The following RGS5 variants were observed in gnomAD, a reference collection of about 807,000 sequenced individuals.
The protein encoded by RGS5 is regulator of G-protein signalling 5.
RGS5 carries 20 observed loss-of-function variants against 18.9 expected under a neutral mutation model. The observed-to-expected ratio is 1.06, with a 90% CI of 0.74 to 1.54. The LOEUF is 1.54. RGS5 is among the 40% of genes most tolerant of loss of function. RGS5 has a pLI of 0.00. For synonymous variants in RGS5, 57 were observed against 76.2 expected, an observed-to-expected ratio of 0.75 and a Z score of 1.31; for missense variants, 201 against 211.8, an observed-to-expected ratio of 0.95 and a Z score of 0.32.
At chr1:163,237,942 T>G (rs1300792311) in intron 2 of RGS5, 4 of 154,244 alleles carry the variant, frequency 2.6e-5, no homozygotes, top group African/African-American at 9.6e-5. Context: ...TATGCTGAAG[T>G]CGAATTCACA....
intron 2 of RGS5, among the ~76,000 whole-genome samples, chr1:163,239,543 AAAG>A (rs2101690092): frequency 1.3e-5 from 2 of 152,166 alleles, no homozygotes; most frequent in South Asian, 4.1e-4. Context: ...TAAATGGCAT[AAAG>A]AAGACCTAAA....
intron 4 of RGS5, among the ~76,000 whole-genome samples, chr1:163,149,776 C>T (rs917008960): frequency 6.6e-6 from 1 of 152,144 alleles, no homozygotes; most frequent in Non-Finnish European, 1.5e-5. Flanking sequence ...ATTCAGATTA[C>T]TATTTGCCTG....
chr1:163,151,248 A>G (rs1483520949), intron 4 of RGS5, among the ~76,000 whole-genome samples: 1 of 152,192 alleles, frequency 6.6e-6, no homozygotes, highest in Non-Finnish European at 1.5e-5. Flanking sequence ...TTTTCTTGTA[A>G]TATTTTGATT....
Position 163,286,331 on chromosome 1 carries a change from T to C in RGS5, c.-281+19902A>G, listed in dbSNP as rs938123542. On this transcript the variant is annotated intron_variant, in intron 2 of 5. Transcript: ENST00000618415. ...AGTAGATTTTAGTATCCTCGGGGAGTAGGGAGTAGGGAGAGTCCTGGAACC... is the reference window on the plus strand; with the variant it reads ...AGTAGATTTTAGTATCCTCGGGGAGCAGGGAGTAGGGAGAGTCCTGGAACC... Among the ~76,000 whole-genome samples, 7 of 151,884 alleles carry C rather than the reference T, an allele frequency of 4.6e-5. No homozygotes were observed. The East Asian group carries it at 1.2e-3, about 25-fold the overall frequency.
chr1:163,288,607 G>C (rs992513806), intron 2 of RGS5, among the ~76,000 whole-genome samples: 2 of 152,030 alleles, frequency 1.3e-5, no homozygotes, highest in African/African-American at 2.4e-5. Flanking sequence ...GTATGTGTTT[G>C]TGTATGTTTT....
intron 2 of RGS5, among the ~76,000 whole-genome samples, chr1:163,291,345 T>C (rs1011078746): frequency 6.6e-6 from 1 of 152,154 alleles, no homozygotes; most frequent in Admixed American, 6.6e-5. Context: ...TAAGTATTCC[T>C]GGGTTTATGG....
intron 2 of RGS5, among the ~76,000 whole-genome samples, chr1:163,299,538 A>G: frequency 6.6e-6 from 1 of 152,234 alleles, no homozygotes; most frequent in East Asian, 1.9e-4. Context: ...AAATGAAGAT[A>G]ATAATGTCAA....
At chr1:163,241,221 G>A (rs1340684807) in intron 2 of RGS5, among the ~76,000 whole-genome samples, 3 of 152,176 alleles carry the variant, frequency 2.0e-5, no homozygotes, top group Admixed American at 2.0e-4. Flanking sequence ...GGATTAGAAT[G>A]TAAGTTTAAT....
intron 2 of RGS5, among the ~76,000 whole-genome samples, chr1:163,165,954 T>C (rs2661353): frequency 0.56 from 84,645 of 151,364 alleles, 25,884 homozygotes; most frequent in South Asian, 0.72. Context: ...AACTGTCAAA[T>C]GCTGCAGACA....
chr1:163,145,675 T>G lies in RGS5; in HGVS notation c.*1667A>C, dbSNP rs904749483. The G allele has an allele frequency of 2.6e-5, 4 of 152,188 alleles. No individual in the cohort carries two copies. Among genetic ancestry groups the G allele is most frequent in the African/African-American group, 9.6e-5 (4 of 41,456 alleles). The allele number at this position is 152,188 out of a possible 1,614,324, so 9.4% of individuals were successfully genotyped here. A position where few individuals can be genotyped will look rare whatever the true frequency, so the allele number is the denominator to read the frequency against. ...CCCAGTTTCAGAATGTGAAATGGCA[T>G]GTATTCAGCAGGGCATATTATTCTT... On this transcript the variant is annotated 3_prime_UTR_variant, in exon 5 of 5. Coordinates refer to ENST00000313961, the MANE Select transcript of RGS5 (RefSeq NM_003617.4).
upstream of RGS5, among the ~76,000 whole-genome samples, chr1:163,205,849 T>G (rs528100016): frequency 6.6e-6 from 1 of 152,330 alleles, no homozygotes; most frequent in East Asian, 1.9e-4. Flanking sequence ...ATTTTAACTA[T>G]TATTAGCAAT....
At position 163,217,250 on chromosome 1, in the gene RGS5, T is replaced by C. The variant is rs559980238; in HGVS notation, c.69+276A>G. On this transcript the variant is annotated intron_variant, in intron 1 of 5. Transcript: ENST00000367903. ...GAATCTAAAATAACAGTTAAAAAAATAAAAAGACTCAGCTGTTCAGTTCAC... is the reference window on the plus strand; with the variant it reads ...GAATCTAAAATAACAGTTAAAAAAACAAAAAGACTCAGCTGTTCAGTTCAC... Among the ~76,000 whole-genome samples, 3 of 152,144 alleles carry C rather than the reference T, an allele frequency of 2.0e-5. No individual in the cohort carries two copies. In the South Asian group the frequency reaches 6.2e-4, roughly 32 times the overall value.
intron 1 of RGS5, chr1:163,212,878 A>G (rs1036634076): frequency 2.0e-5 from 3 of 151,986 alleles, no homozygotes; most frequent in African/African-American, 7.2e-5. Flanking sequence ...TTTTGTTCCA[A>G]TTCCTTTTTC....
chr1:163,172,703 GTATT>G (rs1658359629), intron 1 of RGS5: 1 of 1,214,496 alleles, frequency 8.2e-7, no homozygotes, highest in South Asian at 1.7e-5. Context: ...AAAGTTAAGA[GTATT>G]TAAGTTGTGA....
At chr1:163,152,340 C>A in intron 4 of RGS5, 1 of 443,064 alleles carries the variant, frequency 2.3e-6, no homozygotes, top group Non-Finnish European at 4.0e-6. Context: ...GAGGTGAGAC[C>A]CATAAAACTA....
At chr1:163,173,404 G>A (rs536384653) in intron 1 of RGS5, among the ~76,000 whole-genome samples, 58 of 152,290 alleles carry the variant, frequency 3.8e-4, no homozygotes, top group Admixed American at 3.6e-3. Context: ...CTGGGGCTTT[G>A]CAGTTTTAAA....
At chr1:163,171,030 C>T (rs1658275596) in intron 1 of RGS5, among the ~76,000 whole-genome samples, 1 of 152,114 alleles carries the variant, frequency 6.6e-6, no homozygotes, top group Non-Finnish European at 1.5e-5. Flanking sequence ...TGGCATAGAA[C>T]ACGGCTTCTT....
At chr1:163,294,433 T>C (rs768330789) in intron 2 of RGS5, among the ~76,000 whole-genome samples, 1 of 152,242 alleles carries the variant, frequency 6.6e-6, no homozygotes, top group African/African-American at 2.4e-5. Context: ...ATTTTAGTCA[T>C]GACTGGAGCT....
chr1:163,252,563 T>G (rs989438722), intron 2 of RGS5, among the ~76,000 whole-genome samples: 2 of 152,206 alleles, frequency 1.3e-5, no homozygotes, highest in Non-Finnish European at 2.9e-5. Flanking sequence ...AGAAAGTTCT[T>G]GACTTTTACT....
Sources: gnomAD v4.1 joint callset for allele counts (sites outside exome capture counted in the v4.1 genomes callset) on GRCh38, gnomAD v4.1.1 for gene constraint, MANE v1.5 for transcripts, NCBI Gene and HGNC (gene_info 2026-07-23, HGNC 2026-07-21) for gene names.